Variants in RBFOX3 observed in about 807,000 individuals in gnomAD.
RBFOX3 encodes RNA binding fox-1 homolog 3.
A neutral mutation model predicts 48.7 loss-of-function variants in RBFOX3; 17 were observed. The ratio of observed to expected loss-of-function variants is 0.35; its 90% CI spans 0.24 to 0.52. The LOEUF is 0.52. Among genes scored for constraint, RBFOX3 ranks in the 20% least tolerant of loss-of-function variants. RBFOX3 has a pLI of 0.94. For missense variants in RBFOX3, 382 were observed against 497.5 expected (o/e 0.77, Z 2.21); for synonymous variants, 212 against 209.5 (o/e 1.01, Z -0.10).
At chr17:79,151,991 G>C (rs1050056720) in intron 4 of RBFOX3, among the ~76,000 whole-genome samples, 5 of 151,670 alleles carry the variant, frequency 3.3e-5, no homozygotes, top group Admixed American at 1.3e-4. Flanking sequence ...CCATCCCCAA[G>C]GCCCCCTGTC....
chr17:79,294,094 A>C (rs2073916664), intron 3 of RBFOX3, among the ~76,000 whole-genome samples: 4 of 152,206 alleles, frequency 2.6e-5, no homozygotes, highest in Admixed American at 2.6e-4. Flanking sequence ...ATGCTCTTCA[A>C]CTGGGGCCAC....
chr17:79,179,605 A>G (rs2146031381), intron 4 of RBFOX3, among the ~76,000 whole-genome samples: 1 of 151,032 alleles, frequency 6.6e-6, no homozygotes, highest in Admixed American at 6.6e-5. Context: ...ACTGGCTTGC[A>G]ATAGGATGGA....
At chr17:79,253,364 TC>T (rs1343209931) in intron 3 of RBFOX3, among the ~76,000 whole-genome samples, 1 of 152,012 alleles carries the variant, frequency 6.6e-6, no homozygotes, top group Non-Finnish European at 1.5e-5. Flanking sequence ...AAAGTCTGCC[TC>T]CCCGCCCAGA....
chr17:79,502,000 G>A (rs1762412120), intron 1 of RBFOX3, among the ~76,000 whole-genome samples: 1 of 152,340 alleles, frequency 6.6e-6, no homozygotes, highest in East Asian at 1.9e-4. Flanking sequence ...CGGCCAGGGT[G>A]AAGTGGACAG....
chr17:79,371,172 A>G (rs1793837724), intron 2 of RBFOX3, among the ~76,000 whole-genome samples: 1 of 152,116 alleles, frequency 6.6e-6, no homozygotes, highest in Admixed American at 6.5e-5. Flanking sequence ...TCACTGAGGG[A>G]CCATGGCGAG....
rs529064178 is a variant in RBFOX3 at position 79,152,383 on chromosome 17, G to A, written c.-33-36635C>T. Among the ~76,000 whole-genome samples, 18 of 151,916 alleles carry A rather than the reference G, an allele frequency of 1.2e-4. No individual in the cohort carries two copies. The South Asian group carries it at 3.3e-3, about 28-fold the overall frequency. On this transcript the variant is annotated intron_variant, in intron 4 of 14. Coordinates refer to ENST00000693108, the MANE Select transcript of RBFOX3 (RefSeq NM_001350451.2). ...GAGAAATCAAAGCACTGTGCCAGCC[G>A]AGGCCCAGAGAGTCATAGGAGCAGT...
Position 79,423,042 on chromosome 17 carries a change from G to A in RBFOX3, c.-175+59412C>T, listed in dbSNP as rs1309507220. Among the ~76,000 whole-genome samples, 1 of 152,170 alleles carries A rather than the reference G, an allele frequency of 6.6e-6. No individual in the cohort carries two copies. Among genetic ancestry groups the A allele is most frequent in the Non-Finnish European group, 1.5e-5 (1 of 68,028 alleles). On this transcript the variant is annotated intron_variant, in intron 2 of 14. Coordinates refer to ENST00000693108, the MANE Select transcript of RBFOX3 (RefSeq NM_001350451.2). This position sits in a 1 kb window ranked among gnomAD's most constrained non-coding sequence, Gnocchi z 4.9. ...AGGCACGGGACAGGCCGGCCCCTGCGACGGGACTTCGGGTGCCCCGTGTGC... is the reference window on the plus strand; with the variant it reads ...AGGCACGGGACAGGCCGGCCCCTGCAACGGGACTTCGGGTGCCCCGTGTGC...
chr17:79,510,705 G>A (rs2084014704), intron 1 of RBFOX3, among the ~76,000 whole-genome samples: 1 of 152,184 alleles, frequency 6.6e-6, no homozygotes, highest in African/African-American at 2.4e-5. Flanking sequence ...GCCCCTACGA[G>A]CGGGTGATTA....
chr17:79,642,746 C>T, the RBFOX3 span, among the ~76,000 whole-genome samples: 70 of 152,088 alleles, frequency 4.6e-4, no homozygotes, highest in South Asian at 4.0e-3. Context: ...TACAAATGCA[C>T]GAGAAACAGA....
chr17:79,429,943 G>A (rs782503160), intron 2 of RBFOX3, among the ~76,000 whole-genome samples: 10 of 152,124 alleles, frequency 6.6e-5, no homozygotes, highest in African/African-American at 1.4e-4. Flanking sequence ...TGACCTCTGC[G>A]AATCCAGAAA....
Position 79,481,297 on chromosome 17 carries a change from T to C in RBFOX3, c.-175+1157A>G, listed in dbSNP as rs968518081. Among the ~76,000 whole-genome samples, 2 of 152,122 alleles carry C rather than the reference T, an allele frequency of 1.3e-5. No homozygotes were observed. The highest frequency in any genetic ancestry group is 4.8e-5 in the African/African-American group (2 of 41,414). On this transcript the variant is annotated intron_variant, in intron 2 of 14. Transcript: ENST00000693108. This position sits in a 1 kb window ranked among gnomAD's most constrained non-coding sequence, Gnocchi z 5.4. The stretch of plus-strand genomic sequence containing the variant: ...CTTCAGGGCTCCAGTCCTCCCTGCC[T>C]GGGGGTCGCTGACCCACAGCTTTGC...
In RBFOX3 at chr17:79,557,576, G is replaced by A. The variant is rs909145670; in HGVS notation, c.-320+53250C>T. 8.4e-3 allele frequency among the ~76,000 whole-genome samples: 1,280 copies of A among 152,328 alleles called. 14 individuals are homozygous for A. Among genetic ancestry groups the A allele is most frequent in the African/African-American group, 0.029 (1,209 of 41,562 alleles). Reference sequence around the variant, plus strand: ...GTGGCAAGGACCAAGTGACAGCTGCGGATCCCCAGCCCATTTTCATAGGTG... The same window carrying A: ...GTGGCAAGGACCAAGTGACAGCTGCAGATCCCCAGCCCATTTTCATAGGTG... On this transcript the variant is annotated intron_variant, in intron 1 of 14. Transcript: ENST00000693108.
chr17:79,403,592 T>C (rs932069091), intron 2 of RBFOX3, among the ~76,000 whole-genome samples: 2 of 152,158 alleles, frequency 1.3e-5, no homozygotes, highest in African/African-American at 4.8e-5. Flanking sequence ...TGTGCTGTGG[T>C]GGGAACGTCC....
rs1446086476 is a variant in RBFOX3 at position 79,361,060 on chromosome 17, A to T, written c.-174-53236T>A. 6.6e-6 allele frequency among the ~76,000 whole-genome samples: 1 copy of T among 152,160 alleles called. No homozygotes were observed. The highest frequency in any genetic ancestry group is 1.5e-5 in the Non-Finnish European group (1 of 68,034). On this transcript the variant is annotated intron_variant, in intron 2 of 14. Coordinates refer to ENST00000693108, the MANE Select transcript of RBFOX3 (RefSeq NM_001350451.2). The surrounding 1 kb of genome is among the most constrained non-coding windows in gnomAD (Gnocchi z 4.5). ...GAAACAGAAGTTCACGTCTCAGGCA[A>T]AGGAAGGGAAAGGAATAAATGGCCG...
chr17:79,359,278 A>C (rs9894899), intron 2 of RBFOX3, among the ~76,000 whole-genome samples: 37,143 of 152,222 alleles, frequency 0.24, 4,713 homozygotes, highest in East Asian at 0.35. Context: ...AAAATACAGG[A>C]TATGCAGCTT....
chr17:79,515,651 G>A (rs1194689648), intron 1 of RBFOX3, among the ~76,000 whole-genome samples: 2 of 152,008 alleles, frequency 1.3e-5, no homozygotes, highest in Non-Finnish European at 2.9e-5. Context: ...TCAACCCAAT[G>A]CCACCTCCCA....
chr17:79,425,778 T>G (rs1318880396), intron 2 of RBFOX3, among the ~76,000 whole-genome samples: 2 of 151,316 alleles, frequency 1.3e-5, no homozygotes, highest in Non-Finnish European at 2.9e-5. Context: ...GGCCCGGGGG[T>G]TCCGAAAGAC....
intron 3 of RBFOX3, among the ~76,000 whole-genome samples, chr17:79,265,247 G>C (rs1455955667): frequency 1.3e-5 from 2 of 152,220 alleles, no homozygotes; most frequent in Non-Finnish European, 2.9e-5. Flanking sequence ...TTGCTCCTAA[G>C]TTTTTAAATG....
chr17:79,175,211 G>A (rs73410089), intron 4 of RBFOX3, among the ~76,000 whole-genome samples: 1,555 of 152,342 alleles, frequency 0.01, 29 homozygotes, highest in African/African-American at 0.035. Flanking sequence ...GCTGAACAGC[G>A]CTTGGGCAGC....
Sources: gnomAD v4.1 joint callset for allele counts (sites outside exome capture counted in the v4.1 genomes callset) on GRCh38, gnomAD v4.1.1 for gene constraint, Gnocchi (gnomAD v3.1) non-coding constraint, MANE v1.5 for transcripts, NCBI Gene and HGNC (gene_info 2026-07-23, HGNC 2026-07-21) for gene names.